AMN: variants seen among roughly 807,000 people sequenced by gnomAD.
AMN encodes amnion associated transmembrane protein, also known as protein amnionless.
AMN carries 40 observed loss-of-function variants against 49.1 expected under a neutral mutation model. The observed-to-expected ratio is 0.81, with a 90% CI of 0.63 to 1.06. AMN has a LOEUF of 1.06. Among genes scored for constraint, AMN ranks in the 50% least tolerant of loss-of-function variants. The probability of loss-of-function intolerance (pLI) is 0.00; values close to 1 mark genes in which losing one functional copy is unlikely to be tolerated. For synonymous variants in AMN, 380 were observed against 313.3 expected (o/e 1.21, Z -2.25); for missense variants, 701 against 662.8 (o/e 1.06, Z -0.63).
At position 102,930,042 on chromosome 14, in the gene AMN, C is replaced by A. The variant is rs1274967721; in HGVS notation, c.962C>A (p.Ala321Glu). Residue 321 changes from alanine to glutamate, a missense_variant, in exon 9 of 12, where the codon GCG becomes GAG. Coordinates refer to ENST00000299155, the MANE Select transcript of AMN (RefSeq NM_030943.4). ...LVENGPETGGAGRLARALLAD... is the reference protein window; with the variant it reads ...LVENGPETGGEGRLARALLAD... ...GAGAATGGGCCCGAGACAGGCGGAG[C>A]GGGGCGGCTGGCCCGGGCCCTCCTG... 5 of 1,549,216 alleles carry A rather than the reference C, an allele frequency of 3.2e-6. No individual in the cohort carries two copies. Among genetic ancestry groups the A allele is most frequent in the Non-Finnish European group, 4.4e-6 (5 of 1,147,480 alleles).
intron 2 of AMN, 33 bp downstream of exon 2, chr14:102,923,862 G>A: frequency 6.2e-7 from 1 of 1,612,580 alleles, no homozygotes; most frequent in Non-Finnish European, 8.5e-7. Flanking sequence ...TCGGTGATGG[G>A]CCTGGACCCC....
intron 3 of AMN, among the ~76,000 whole-genome samples, chr14:102,925,983 C>T (rs1040235300): frequency 6.6e-6 from 1 of 152,164 alleles, no homozygotes; most frequent in Non-Finnish European, 1.5e-5. Context: ...TCCCTCCCTG[C>T]GATTTTCCTT....
Position 102,930,475 on chromosome 14 carries a change from G to A in AMN, c.1239G>A (p.Val413=), listed in dbSNP as rs374163665. ...PLGFRNPVFD[V]TASEELPLPR... is the part of the protein sequence containing the mutation. Reference sequence around the variant, plus strand: ...GCTTCCGCAACCCGGTGTTCGACGTGACGGCCTCCGAGGAGCTGGTGAGGG... The same window carrying A: ...GCTTCCGCAACCCGGTGTTCGACGTAACGGCCTCCGAGGAGCTGGTGAGGG... The change falls in exon 11 of 12, where the codon GTG becomes GTA. Residue 413 remains valine, a synonymous_variant. Transcript: ENST00000299155. 1 of 1,532,726 alleles carries A rather than the reference G, an allele frequency of 6.5e-7. No individual in the cohort carries two copies. The highest frequency in any genetic ancestry group is 1.4e-5 in the African/African-American group (1 of 72,430). 94.9% of individuals were successfully genotyped at this position (1,532,726 alleles called of 1,614,324 possible).
chr14:102,925,255 G>A (rs1056050310), intron 3 of AMN, among the ~76,000 whole-genome samples: 2 of 152,260 alleles, frequency 1.3e-5, no homozygotes, highest in Non-Finnish European at 2.9e-5. Context: ...GGGCCCCCGC[G>A]TGTGCGGGTG....
intron 11 of AMN, 35 bp from the exon 12 acceptor site, chr14:102,930,541 G>T (rs1363498643): frequency 1.9e-6 from 3 of 1,547,540 alleles, no homozygotes; most frequent in Non-Finnish European, 2.6e-6. Flanking sequence ...GCCGGGACTC[G>T]GCGCCGACCG....
intron 3 of AMN, among the ~76,000 whole-genome samples, chr14:102,924,353 C>T (rs1230528639): frequency 6.6e-6 from 1 of 151,934 alleles, no homozygotes; most frequent in Non-Finnish European, 1.5e-5. Flanking sequence ...CAACACCCCC[C>T]CCTCTACCCA....
rs765044933 is a variant in AMN, at chr14:102,930,656, C to T, written c.1338C>T (p.Phe446=). 6.3e-7 allele frequency: 1 copy of T among 1,595,850 alleles called. No individual in the cohort carries two copies. Among genetic ancestry groups the T allele is most frequent in the East Asian group, 2.3e-5 (1 of 43,874 alleles). Residue 446 remains phenylalanine (F), a synonymous_variant, in exon 12 of 12, where the codon TTC becomes TTT. Coordinates refer to ENST00000299155, the MANE Select transcript of AMN (RefSeq NM_030943.4). ...ACAGTTACTTCGTCAACCCTCTGTT[C>T]GCCGGGGCCGAGGCCGAGGCCTGAG... ...TSHSYFVNPL[F]AGAEAEA is the part of the protein sequence containing the mutation.
At chr14:102,929,780 G>A in intron 8 of AMN, 43 bp downstream of exon 8, 1 of 1,546,806 alleles carries the variant, frequency 6.5e-7, no homozygotes, top group Non-Finnish European at 8.7e-7. Flanking sequence ...CCCGACCCCA[G>A]CCCTACCGCC....
In AMN at chr14:102,930,739, G is replaced by A. The variant is rs1891339236; in HGVS notation, c.*59G>A. On this transcript the variant is annotated 3_prime_UTR_variant, in exon 12 of 12. Coordinates refer to ENST00000299155, the MANE Select transcript of AMN (RefSeq NM_030943.4). ...ACCCGCTCTGGCCCCAGTCGAACTG[G>A]GGGCTAGCCACCTCCTCGTCCAGCC... 1 of 1,515,872 alleles carries A rather than the reference G, an allele frequency of 6.6e-7. No individual in the cohort carries two copies. Among genetic ancestry groups the A allele is most frequent in the South Asian group, 1.2e-5 (1 of 83,316 alleles). The allele number at this position is 1,515,872 out of a possible 1,614,324, so 93.9% of individuals were successfully genotyped here. A position where few individuals can be genotyped will look rare whatever the true frequency, so the allele number is the denominator to read the frequency against.
At chr14:102,927,948 T>A (rs1034336369) in intron 3 of AMN, among the ~76,000 whole-genome samples, 3 of 152,184 alleles carry the variant, frequency 2.0e-5, no homozygotes, top group Non-Finnish European at 4.4e-5. Context: ...GGCCGCCAGA[T>A]GCAGCCTCTC....
chr14:102,923,760 C>T lies in AMN; in HGVS notation c.93C>T (p.Asp31=), dbSNP rs772599857. ...SKLWVPNTDF[D]VAANWSQNRT... is the part of the protein sequence containing the mutation. ...TCTGGGTCCCCAACACGGACTTCGACGTCGCAGCCAACTGGAGCCAGAACC... is the reference window on the plus strand; with the variant it reads ...TCTGGGTCCCCAACACGGACTTCGATGTCGCAGCCAACTGGAGCCAGAACC... Residue 31 remains aspartate, a synonymous_variant, in exon 2 of 12, where the codon GAC becomes GAT. Coordinates refer to ENST00000299155, the MANE Select transcript of AMN (RefSeq NM_030943.4). 7.2e-5 allele frequency: 116 copies of T among 1,612,810 alleles called. 1 individual carries two copies. The Admixed American group carries it at 1.9e-3, about 26-fold the overall frequency.
chr14:102,922,886 T>TC, intron 1 of AMN, 155 bp downstream of exon 1: 2 of 1,082,336 alleles, frequency 1.8e-6, no homozygotes, highest in Non-Finnish European at 2.6e-6. Flanking sequence ...CCTGCCTCCC[T>TC]CGTCTGGCGA....
chr14:102,925,764 G>A (rs1367500591), intron 3 of AMN, among the ~76,000 whole-genome samples: 1 of 152,172 alleles, frequency 6.6e-6, no homozygotes, highest in Non-Finnish European at 1.5e-5. Context: ...GGTGGGAACA[G>A]CGCAGGGGCA....
Position 102,929,511 on chromosome 14 carries a change from C to T in AMN, c.735C>T (p.Pro245=), listed in dbSNP as rs546245909. The T allele has an allele frequency of 7.4e-5, 113 of 1,535,038 alleles. No individual in the cohort carries two copies. In the African/African-American group the frequency reaches 1.3e-3, roughly 18 times the overall value. ...PQAACHSALR[P]QGQCCDLCGA... ...CCGCCTGCCACAGCGCCCTCCGGCCCCAGGGGCAGTGCTGTGACCTCTGTG... is the reference window on the plus strand; with the variant it reads ...CCGCCTGCCACAGCGCCCTCCGGCCTCAGGGGCAGTGCTGTGACCTCTGTG... Residue 245 remains proline (P), a synonymous_variant, in exon 7 of 12, where the codon CCC becomes CCT. Transcript: ENST00000299155.
At chr14:102,929,294 C>T (rs1450909363) in intron 6 of AMN, 36 bp downstream of exon 6, 9 of 1,432,348 alleles carry the variant, frequency 6.3e-6, no homozygotes, top group Admixed American at 3.0e-5. Flanking sequence ...GGGGGCCGCG[C>T]GAGGGTCGGG....
At position 102,922,697 on chromosome 14, in the gene AMN, C is replaced by T. The variant is rs930833237; in HGVS notation, c.9C>T (p.Val3=). 3 of 1,599,202 alleles carry T rather than the reference C, an allele frequency of 1.9e-6. No individual in the cohort carries two copies. Among genetic ancestry groups the T allele is most frequent in the African/African-American group, 1.3e-5 (1 of 74,970 alleles). ...CAAGGAGCCGAGGCGAGATGGGCGTCCTGGGCCGGGTCCTGCTGTGGCTGC... is the reference window on the plus strand; with the variant it reads ...CAAGGAGCCGAGGCGAGATGGGCGTTCTGGGCCGGGTCCTGCTGTGGCTGC... MG[V]LGRVLLWLQL... The change falls in exon 1 of 12, where the codon GTC becomes GTT. Residue 3 remains valine (V), a synonymous_variant. Coordinates refer to ENST00000299155, the MANE Select transcript of AMN (RefSeq NM_030943.4).
In AMN at chr14:102,929,172, C is replaced by T. The variant is rs1014142522; in HGVS notation, c.565C>T (p.Arg189Cys). ...TGTTTTCCTGGCGTCCCGCGCGGGC[C>T]GCCTACGCTTCCACGGGCCGGGCGC... ...LAVFLASRAG[R>C]LRFHGPGALS... Residue 189 changes from arginine (R) to cysteine (C), a missense_variant, in exon 6 of 12, where the codon CGC becomes TGC. Arg to Cys is a radical substitution (Grantham distance 180). Coordinates refer to ENST00000299155, the MANE Select transcript of AMN (RefSeq NM_030943.4). 1.3e-6 allele frequency: 2 copies of T among 1,595,860 alleles called. No homozygotes were observed. Among genetic ancestry groups the T allele is most frequent in the African/African-American group, 1.3e-5 (1 of 74,980 alleles).
chr14:102,922,838 A>AGGGAGGG, intron 1 of AMN, 107 bp downstream of exon 1: 1 of 1,453,324 alleles, frequency 6.9e-7, no homozygotes, highest in Non-Finnish European at 9.3e-7. Context: ...AGGAGTGGGC[A>AGGGAGGG]GGGAGGGCTT....
rs749174906 is a variant in AMN, at chr14:102,930,200, G to A, written c.1042G>A (p.Glu348Lys). The A allele has an allele frequency of 3.4e-6, 5 of 1,475,948 alleles. No homozygotes were observed. Among genetic ancestry groups the A allele is most frequent in the Non-Finnish European group, 4.5e-6 (5 of 1,120,106 alleles). The allele number at this position is 1,475,948 out of a possible 1,614,324, so 91.4% of individuals were successfully genotyped here. A position where few individuals can be genotyped will look rare whatever the true frequency, so the allele number is the denominator to read the frequency against. The change falls in exon 10 of 12, where the codon GAG (glutamate) becomes AAG (lysine). Residue 348 changes from glutamate (E) to lysine (K), a missense_variant. By Grantham distance (56) the Glu-to-Lys change is moderately conservative (BLOSUM62 1). Transcript: ENST00000299155. Reference sequence around the variant, plus strand: ...CGGCGTCCTGGAGGCGACCATGCGGGAGTCGGGCGCACACGTCTGGGGCAG... The same window carrying A: ...CGGCGTCCTGGAGGCGACCATGCGGAAGTCGGGCGCACACGTCTGGGGCAG... Reference protein sequence around the residue: ...ALGVLEATMRESGAHVWGSSA... With the variant: ...ALGVLEATMRKSGAHVWGSSA...
Sources: allele counts gnomAD v4.1 joint callset (sites outside exome capture counted in the v4.1 genomes callset), GRCh38; gene constraint gnomAD v4.1.1; transcripts MANE v1.5; gene names NCBI Gene and HGNC (gene_info 2026-07-23, HGNC 2026-07-21).